TBL3: variants seen among roughly 807,000 people sequenced by gnomAD.
TBL3 encodes the protein transducin beta-like protein 3.
In TBL3, 71 loss-of-function variants were observed where a neutral mutation model predicts 102.7. The observed-to-expected ratio is 0.69, with a 90% confidence interval of 0.57 to 0.84. TBL3 has a LOEUF of 0.84. Ranked by LOEUF, TBL3 falls within the 40% of genes least tolerant of loss-of-function variation. The probability of loss-of-function intolerance (pLI) is 0.00; values close to 1 mark genes in which losing one functional copy is unlikely to be tolerated. For missense variants in TBL3, 1,188 were observed against 1,098.5 expected, an observed-to-expected ratio of 1.08 and a Z score of -1.15; for synonymous variants, 578 against 477.7, an observed-to-expected ratio of 1.21 and a Z score of -2.74.
In TBL3 at chr16:1,974,771, G is replaced by A; in HGVS notation, c.388G>A (p.Asp130Asn). 6.2e-7 allele frequency: 1 copy of A among 1,612,872 alleles called. No individual in the cohort carries two copies. The highest frequency in any genetic ancestry group is 8.5e-7 in the Non-Finnish European group (1 of 1,179,974). ...ACCTTGCTTCCCCGCAGGTGGCTGT[G>A]ATGGGGCCGTGCGCGTCTGGGACAT... ...TSTLLATGGCDGAVRVWDIVR... is the reference protein window; with the variant it reads ...TSTLLATGGCNGAVRVWDIVR... Residue 130 changes from aspartate (D) to asparagine (N), a missense_variant, in exon 6 of 22, where the codon GAT becomes AAT. Coordinates refer to ENST00000568546, the MANE Select transcript of TBL3 (RefSeq NM_006453.3).
chr16:1,977,595 C>T lies in TBL3; in HGVS notation c.1824C>T (p.Val608=). Reference sequence around the variant, plus strand: ...CGCTGGATGCCCACGAGGACAAGGTCTGGGGGCTGCACTGCAGCCGGCTGG... The same window carrying T: ...CGCTGGATGCCCACGAGGACAAGGTTTGGGGGCTGCACTGCAGCCGGCTGG... ...VRTLDAHEDK[V]WGLHCSRLDD... is the part of the protein sequence containing the mutation. The change falls in exon 17 of 22, where the codon GTC becomes GTT. Residue 608 remains valine (V), a synonymous_variant. Coordinates refer to ENST00000568546, the MANE Select transcript of TBL3 (RefSeq NM_006453.3). 1.3e-6 allele frequency: 2 copies of T among 1,570,370 alleles called. No individual in the cohort carries two copies. Among genetic ancestry groups the T allele is most frequent in the Non-Finnish European group, 1.7e-6 (2 of 1,156,774 alleles).
At chr16:1,974,903 C>G (rs753778424) in intron 6 of TBL3, 25 bp from the exon 7 acceptor site, 1 of 1,612,220 alleles carries the variant, frequency 6.2e-7, no homozygotes, top group Admixed American at 1.7e-5. Flanking sequence ...GCACAGCTCA[C>G]CCATCCTGTC....
At position 1,977,801 on chromosome 16, in the gene TBL3, G is replaced by C; in HGVS notation, c.1958+1G>C. ...CCAGGCAAGAGGAGCAGGTGGTCAG[G>C]TAAGGCCAGGGCAGTGGCGCCCCTC... On this transcript the variant is annotated splice_donor_variant, in intron 18 of 21. Coordinates refer to ENST00000568546, the MANE Select transcript of TBL3 (RefSeq NM_006453.3). LOFTEE classifies it high-confidence loss of function. The C allele has an allele frequency of 1.9e-6, 3 of 1,556,450 alleles. No homozygotes were observed. The highest frequency in any genetic ancestry group is 1.7e-6 in the Non-Finnish European group (2 of 1,149,720).
rs761437131 is a variant in TBL3, at chr16:1,980,007, C to T, written c.*1322C>T. 23 of 1,603,566 alleles carry T rather than the reference C, an allele frequency of 1.4e-5. No individual in the cohort carries two copies. In the South Asian group the frequency reaches 2.0e-4, roughly 14 times the overall value. ...CTTGGGGGGCCCTACCTGAGGGGTG[C>T]CGCAGCAGCACGTCCAGGCTCTCCT... is the stretch of plus-strand genomic sequence containing the variant. On this transcript the variant is annotated 3_prime_UTR_variant, in exon 22 of 22. Coordinates refer to ENST00000568546, the MANE Select transcript of TBL3 (RefSeq NM_006453.3).
chr16:1,974,237 C>A lies in TBL3; in HGVS notation c.134C>A (p.Thr45Asn), dbSNP rs1354936578. ...TGQHLFCVCGTRVNILEVASG... is the reference protein window; with the variant it reads ...TGQHLFCVCGNRVNILEVASG... ...CAGCACCTCTTCTGCGTCTGTGGCACCAGAGTCAACATTCTGGAAGTGGCC... is the reference window on the plus strand; with the variant it reads ...CAGCACCTCTTCTGCGTCTGTGGCAACAGAGTCAACATTCTGGAAGTGGCC... Residue 45 changes from threonine to asparagine, a missense_variant, in exon 3 of 22, where the codon ACC becomes AAC. By Grantham distance (65) the Thr-to-Asn change is moderately conservative (BLOSUM62 0). Transcript: ENST00000568546. 6.2e-7 allele frequency: 1 copy of A among 1,603,868 alleles called. No homozygotes were observed. The highest frequency in any genetic ancestry group is 2.2e-5 in the East Asian group (1 of 44,732).
intron 1 of TBL3, among the ~76,000 whole-genome samples, chr16:1,972,629 G>A (rs1240673867): frequency 6.6e-6 from 1 of 152,212 alleles, no homozygotes; most frequent in Non-Finnish European, 1.5e-5. Flanking sequence ...AGAGGGGCGG[G>A]TCCGCAGAAG....
chr16:1,979,656 C>G lies in TBL3; in HGVS notation c.*971C>G. 1 of 1,225,404 alleles carries G rather than the reference C, an allele frequency of 8.2e-7. No individual in the cohort carries two copies. The highest frequency in any genetic ancestry group is 1.1e-6 in the Non-Finnish European group (1 of 875,674). The allele number at this position is 1,225,404 out of a possible 1,614,324, so 75.9% of individuals were successfully genotyped here. On this transcript the variant is annotated 3_prime_UTR_variant, in exon 22 of 22. Transcript: ENST00000568546. ...TGCTGACGGCGGGGCCGCTCTAAGA[C>G]CGGTTCGGGGCTTCCTCTAGGTGCG...
Position 1,975,832 on chromosome 16 carries a change from T to C in TBL3, c.1012T>C (p.Leu338=), listed in dbSNP as rs1214805027. Reference sequence around the variant, plus strand: ...GTTCGCTGGCTACAGTGAGGAGGTTTTGGATGTCCGGTTTCTTGGGCCCGA... The same window carrying C: ...GTTCGCTGGCTACAGTGAGGAGGTTCTGGATGTCCGGTTTCTTGGGCCCGA... ...KQFAGYSEEV[L]DVRFLGPEDS... The change falls in exon 11 of 22, where the codon TTG becomes CTG. Residue 338 remains leucine (L), a synonymous_variant. Transcript: ENST00000568546. 6.2e-6 allele frequency: 10 copies of C among 1,614,032 alleles called. No homozygotes were observed. Among genetic ancestry groups the C allele is most frequent in the Non-Finnish European group, 8.5e-6 (10 of 1,180,034 alleles).
At position 1,975,820 on chromosome 16, in the gene TBL3, A is replaced by G. The variant is rs766439810; in HGVS notation, c.1000A>G (p.Ser334Gly). Residue 334 changes from serine (S) to glycine (G), a missense_variant, in exon 11 of 22, where the codon AGT (serine) becomes GGT (glycine). Physicochemically the swap from Ser to Gly is moderately conservative, Grantham distance 56 (BLOSUM62 0). Transcript: ENST00000568546. The part of the protein sequence containing the change: ...LRLQKQFAGY[S>G]EEVLDVRFLG... ...TGCCACCCCGCAGTTCGCTGGCTAC[A>G]GTGAGGAGGTTTTGGATGTCCGGTT... The G allele has an allele frequency of 1.2e-6, 2 of 1,614,154 alleles. No individual in the cohort carries two copies. The highest frequency in any genetic ancestry group is 1.7e-6 in the Non-Finnish European group (2 of 1,180,020).
At position 1,974,631 on chromosome 16, in the gene TBL3, C is replaced by T. The variant is rs867622714; in HGVS notation, c.331C>T (p.Pro111Ser). ...CCTGTGGAAGGCGATACACACGGCC[C>T]CCGTGGCCACCATGGCCTTCGACCC... ...TRLWKAIHTA[P>S]VATMAFDPTS... Residue 111 changes from proline to serine, a missense_variant, in exon 5 of 22, where the codon CCC becomes TCC. By Grantham distance (74) the Pro-to-Ser change is moderately conservative. Coordinates refer to ENST00000568546, the MANE Select transcript of TBL3 (RefSeq NM_006453.3). 7.5e-6 allele frequency: 12 copies of T among 1,610,072 alleles called. No homozygotes were observed. The Middle Eastern group carries it at 1.3e-3, about 177-fold the overall frequency.
chr16:1,979,714 C>G lies in TBL3; in HGVS notation c.*1029C>G. ...AGCACGGGCTCCTGGCCCGCCCTGC[C>G]CGCGGTGCTTCTGGCCCAGTCTTGC... On this transcript the variant is annotated 3_prime_UTR_variant, in exon 22 of 22. Coordinates refer to ENST00000568546, the MANE Select transcript of TBL3 (RefSeq NM_006453.3). The G allele has an allele frequency of 1.5e-6, 2 of 1,295,476 alleles. No homozygotes were observed. The highest frequency in any genetic ancestry group is 1.0e-6 in the Non-Finnish European group (1 of 954,330). The allele number at this position is 1,295,476 out of a possible 1,614,324, so 80.2% of individuals were successfully genotyped here.
chr16:1,978,592 C>A lies in TBL3; in HGVS notation c.2334C>A (p.Ala778=). The A allele has an allele frequency of 6.2e-7, 1 of 1,612,844 alleles. No homozygotes were observed. The highest frequency in any genetic ancestry group is 1.1e-5 in the South Asian group (1 of 91,082). Residue 778 remains alanine (A), a synonymous_variant, in exon 22 of 22, where the codon GCC becomes GCA. Transcript: ENST00000568546. ...GGCTCAGCAGGACCCTCCAGGCCGC[C>A]GCTTTCTTGGACTTCCTGTGGCACA... ...FQRLSRTLQA[A]AFLDFLWHNM...
chr16:1,977,137 GC>G lies in TBL3; in HGVS notation c.1526del (p.Pro509HisfsTer59). The G allele has an allele frequency of 6.2e-7, 1 of 1,613,042 alleles. No individual in the cohort carries two copies. The highest frequency in any genetic ancestry group is 8.5e-7 in the Non-Finnish European group (1 of 1,180,004). On this transcript the variant is annotated frameshift_variant, in exon 15 of 22. Transcript: ENST00000568546. LOFTEE classifies it high-confidence loss of function. ...ACCGCACGGCCAAGCTCTGGGCCCT[GC>G]CACAGTGCCAGCTGCTGGGTGTCTT... Reference protein sequence around the residue: ...QDRTAKLWALPQCQLLGVFSG... With the variant: ...QDRTAKLWALXQCQLLGVFSG...
chr16:1,975,300 T>C, intron 8 of TBL3, 38 bp downstream of exon 8: 2 of 1,613,326 alleles, frequency 1.2e-6, no homozygotes, highest in South Asian at 1.1e-5. Context: ...TTGAGTTGGG[T>C]GGGGAGGGGG....
At chr16:1,972,935 G>A (rs575067460) in intron 1 of TBL3, among the ~76,000 whole-genome samples, 1 of 152,284 alleles carries the variant, frequency 6.6e-6, no homozygotes, top group East Asian at 1.9e-4. Flanking sequence ...CGCGTACAGG[G>A]AATAGGGGGA....
In TBL3 at chr16:1,979,160, C is replaced by T. The variant is rs1015852871; in HGVS notation, c.*475C>T. On this transcript the variant is annotated 3_prime_UTR_variant, in exon 22 of 22. Transcript: ENST00000568546. Reference sequence around the variant, plus strand: ...TGCGTGTGACGGTGCAGCAGCGGCTCTGGATGGCGCCCGGCGAAGGTCGGG... The same window carrying T: ...TGCGTGTGACGGTGCAGCAGCGGCTTTGGATGGCGCCCGGCGAAGGTCGGG... 17 of 1,460,740 alleles carry T rather than the reference C, an allele frequency of 1.2e-5. No homozygotes were observed. The highest frequency in any genetic ancestry group is 1.5e-5 in the Non-Finnish European group (17 of 1,116,458). The allele number at this position is 1,460,740 out of a possible 1,614,324, so 90.5% of individuals were successfully genotyped here. A position where few individuals can be genotyped will look rare whatever the true frequency, so the allele number is the denominator to read the frequency against.
rs1179634527 is a variant in TBL3 at position 1,979,773 on chromosome 16, T to C, written c.*1088T>C. 1 of 1,492,724 alleles carries C rather than the reference T, an allele frequency of 6.7e-7. No individual in the cohort carries two copies. Among genetic ancestry groups the C allele is most frequent in the East Asian group, 2.5e-5 (1 of 40,492 alleles). The allele number at this position is 1,492,724 out of a possible 1,614,324, so 92.5% of individuals were successfully genotyped here. ...CAAGCCGCAGTGGTGGCGTGAGGGG[T>C]GGGGTTAGGCGCATACCGCTGCTCC... On this transcript the variant is annotated 3_prime_UTR_variant, in exon 22 of 22. Coordinates refer to ENST00000568546, the MANE Select transcript of TBL3 (RefSeq NM_006453.3).
chr16:1,974,395 C>T lies in TBL3; in HGVS notation c.209C>T (p.Thr70Ile). The T allele has an allele frequency of 6.2e-7, 1 of 1,610,860 alleles. No individual in the cohort carries two copies. The highest frequency in any genetic ancestry group is 8.5e-7 in the Non-Finnish European group (1 of 1,178,332). ...SLEQEDQEDI[T>I]AFDLSPDNEV... ...TCCTAGGAGGACCAGGAGGACATCA[C>T]TGCCTTTGACCTCAGCCCTGACAAC... Residue 70 changes from threonine (T) to isoleucine (I), a missense_variant, in exon 4 of 22, where the codon ACT becomes ATT. Physicochemically the swap from Thr to Ile is moderately conservative, Grantham distance 89. Transcript: ENST00000568546.
chr16:1,978,495 G>C (rs372180828), intron 21 of TBL3, 24 bp downstream of exon 21: 195 of 1,589,904 alleles, frequency 1.2e-4, no homozygotes, highest in Non-Finnish European at 1.5e-4. Context: ...GCCTGGGGTT[G>C]GGGGATCCTG....
Sources: allele counts gnomAD v4.1 joint callset (sites outside exome capture counted in the v4.1 genomes callset), GRCh38; gene constraint gnomAD v4.1.1; transcripts MANE v1.5; gene names NCBI Gene and HGNC (gene_info 2026-07-23, HGNC 2026-07-21).